PPP2R2B: variants seen among roughly 807,000 people sequenced by gnomAD.
PPP2R2B encodes the protein serine/threonine-protein phosphatase 2A 55 kDa regulatory subunit B beta isoform.
Under a neutral mutation model 46.0 loss-of-function variants are expected in PPP2R2B, and 5 were observed. That is an observed-to-expected ratio of 0.11 (90% CI 0.06 to 0.23). The LOEUF (loss-of-function observed/expected upper bound fraction) is 0.23, where lower values mean the gene tolerates loss of function less well. PPP2R2B is among the 10% of genes least tolerant of loss of function. The pLI is 1.00. For missense variants in PPP2R2B, 367 were observed against 575.0 expected (o/e 0.64, Z 3.70); for synonymous variants, 215 against 206.7 (o/e 1.04, Z -0.34).
intron 5 of PPP2R2B, among the ~76,000 whole-genome samples, chr5:146,682,956 A>C (rs374236): frequency 0.26 from 38,818 of 151,894 alleles, 7,056 homozygotes; most frequent in African/African-American, 0.51. Flanking sequence ...TTAAAAATCA[A>C]ATCTGAGAAT....
At chr5:146,688,460 A>G (rs1417813942) in intron 5 of PPP2R2B, among the ~76,000 whole-genome samples, 1 of 151,776 alleles carries the variant, frequency 6.6e-6, no homozygotes, top group African/African-American at 2.4e-5. Context: ...GGTCTCAGGA[A>G]TTTACATTTC....
At chr5:146,805,660 C>A (rs940821969) in intron 2 of PPP2R2B, among the ~76,000 whole-genome samples, 1 of 152,098 alleles carries the variant, frequency 6.6e-6, no homozygotes, top group African/African-American at 2.4e-5. Context: ...GCCTGTAGTA[C>A]AAATTGCACC....
At chr5:146,628,171 C>T (rs1774187615) in intron 7 of PPP2R2B, among the ~76,000 whole-genome samples, 1 of 152,126 alleles carries the variant, frequency 6.6e-6, no homozygotes. Context: ...TCTCGAACTC[C>T]TGACTTAAAG....
At chr5:146,870,178 TG>T (rs1761530976) in intron 2 of PPP2R2B, among the ~76,000 whole-genome samples, 1 of 152,154 alleles carries the variant, frequency 6.6e-6, no homozygotes, top group Admixed American at 6.5e-5. Context: ...TTCATACCAG[TG>T]TGATAAGCAA....
At chr5:146,943,723 T>C (rs148120763) in intron 1 of PPP2R2B, among the ~76,000 whole-genome samples, 72 of 152,288 alleles carry the variant, frequency 4.7e-4, no homozygotes, top group Non-Finnish European at 8.4e-4. Context: ...GAAGTATTCT[T>C]TCCCCAGAGA....
At chr5:146,969,824 C>T (rs967327144) in intron 1 of PPP2R2B, among the ~76,000 whole-genome samples, 2 of 152,198 alleles carry the variant, frequency 1.3e-5, no homozygotes, top group African/African-American at 4.8e-5. Flanking sequence ...GGTAGGGGAA[C>T]AGGTAATTAA....
chr5:146,792,533 G>T (rs531946483), intron 2 of PPP2R2B, among the ~76,000 whole-genome samples: 252 of 152,266 alleles, frequency 1.7e-3, no homozygotes, highest in Middle Eastern at 3.4e-3. Context: ...AATAAGTAAG[G>T]TATGTAGTAT....
intron 2 of PPP2R2B, among the ~76,000 whole-genome samples, chr5:146,806,595 C>G (rs531496494): frequency 6.6e-6 from 1 of 152,326 alleles, no homozygotes; most frequent in South Asian, 2.1e-4. Context: ...ATCATCATAT[C>G]CAGCCTGGAG....
chr5:146,644,892 C>T (rs1268769071), intron 6 of PPP2R2B, among the ~76,000 whole-genome samples: 1 of 152,166 alleles, frequency 6.6e-6, no homozygotes, highest in Non-Finnish European at 1.5e-5. Flanking sequence ...TTTCATATGC[C>T]TCTGTCCCTT....
chr5:147,057,261 A>G (rs1164386857), upstream of PPP2R2B, among the ~76,000 whole-genome samples: 1 of 152,188 alleles, frequency 6.6e-6, no homozygotes, highest in East Asian at 1.9e-4. Context: ...TAGTTCTGCA[A>G]TAATCATATT....
intron 1 of PPP2R2B, among the ~76,000 whole-genome samples, chr5:146,973,009 C>T (rs1356543234): frequency 1.3e-5 from 2 of 151,976 alleles, no homozygotes; most frequent in African/African-American, 2.4e-5. Context: ...ATTAGTTTCT[C>T]TTATGAGTTA....
At chr5:147,012,754 C>T (rs1273437274) in intron 1 of PPP2R2B, among the ~76,000 whole-genome samples, 87 of 151,648 alleles carry the variant, frequency 5.7e-4, no homozygotes, top group African/African-American at 1.9e-3. Flanking sequence ...GCTTTGAATG[C>T]GTCCCAGAGA....
At chr5:146,914,603 T>C (rs553650813) in intron 1 of PPP2R2B, among the ~76,000 whole-genome samples, 1 of 152,316 alleles carries the variant, frequency 6.6e-6, no homozygotes, top group Non-Finnish European at 1.5e-5. Context: ...GGCATTCATA[T>C]GGTGTAAAGG....
intron 1 of PPP2R2B, among the ~76,000 whole-genome samples, chr5:146,971,406 T>A (rs556363080): frequency 6.6e-6 from 1 of 152,320 alleles, no homozygotes; most frequent in African/African-American, 2.4e-5. Context: ...CTCTAGGGCA[T>A]CTTGGCCTTT....
intron 8 of PPP2R2B, among the ~76,000 whole-genome samples, chr5:146,593,675 T>C (rs1218075982): frequency 6.6e-6 from 1 of 152,108 alleles, no homozygotes; most frequent in African/African-American, 2.4e-5. Context: ...CAGTGATGTC[T>C]GGGTTTGGGG....
intron 1 of PPP2R2B, among the ~76,000 whole-genome samples, chr5:147,013,932 A>G (rs1244374083): frequency 6.7e-6 from 1 of 148,566 alleles, no homozygotes; most frequent in South Asian, 2.2e-4. Context: ...AGAAACTACC[A>G]TCAGAATGAA....
intron 1 of PPP2R2B, among the ~76,000 whole-genome samples, chr5:147,055,213 C>T (rs1757022145): frequency 6.6e-6 from 1 of 152,210 alleles, no homozygotes; most frequent in Admixed American, 6.5e-5. Context: ...CAACACTCCA[C>T]AGTGATGTAC....
chr5:146,829,630 C>G (rs1758799037), intron 2 of PPP2R2B, among the ~76,000 whole-genome samples: 1 of 152,008 alleles, frequency 6.6e-6, no homozygotes, highest in South Asian at 2.1e-4. Flanking sequence ...ATAGAGACAC[C>G]ATATAAAGAG....
At chr5:146,897,623 C>T (rs1182143690) in intron 1 of PPP2R2B, among the ~76,000 whole-genome samples, 3 of 151,990 alleles carry the variant, frequency 2.0e-5, no homozygotes, top group African/African-American at 7.3e-5. Flanking sequence ...GAAACCTACA[C>T]TGTGAGGGGA....
Sources: allele counts gnomAD v4.1 joint callset (sites outside exome capture counted in the v4.1 genomes callset), GRCh38; gene constraint gnomAD v4.1.1; transcripts MANE v1.5; gene names NCBI Gene and HGNC (gene_info 2026-07-23, HGNC 2026-07-21).